The following CNTNAP2 variants were observed in gnomAD, a reference collection of about 807,000 sequenced individuals.
CNTNAP2 encodes contactin associated protein 2, also known as contactin-associated protein-like 2.
Under a neutral mutation model 155.2 loss-of-function variants are expected in CNTNAP2, and 98 were observed. That is an observed-to-expected ratio of 0.63 (90% confidence interval 0.54 to 0.75). The LOEUF (loss-of-function observed/expected upper bound fraction) is 0.75, where lower values mean the gene tolerates loss of function less well. Among genes scored for constraint, CNTNAP2 ranks in the 30% least tolerant of loss-of-function variants. The probability of loss-of-function intolerance (pLI) is 0.00; values close to 1 mark genes in which losing one functional copy is unlikely to be tolerated. For synonymous variants in CNTNAP2, 651 were observed against 631.2 expected (o/e 1.03, Z -0.47); for missense variants, 1,727 against 1,688.1 (o/e 1.02, Z -0.40).
chr7:147,298,084 C>T (rs1794871702), intron 8 of CNTNAP2, among the ~76,000 whole-genome samples: 2 of 152,064 alleles, frequency 1.3e-5, no homozygotes, highest in African/African-American at 4.8e-5. Flanking sequence ...AAGTCTTTTG[C>T]ATTAATTCCT....
intron 13 of CNTNAP2, among the ~76,000 whole-genome samples, chr7:147,767,555 A>G (rs1415178557): frequency 6.6e-6 from 1 of 152,054 alleles, no homozygotes; most frequent in Non-Finnish European, 1.5e-5. Context: ...ACTGCTTATT[A>G]TTACTGCCAC....
intron 1 of CNTNAP2, among the ~76,000 whole-genome samples, chr7:146,225,617 G>A (rs976037064): frequency 8.5e-5 from 13 of 152,188 alleles, no homozygotes; most frequent in Non-Finnish European, 1.9e-4. Context: ...TTAGGCATTA[G>A]CAGTGCACAG....
chr7:148,142,190 A>T (rs1805088669), intron 16 of CNTNAP2, among the ~76,000 whole-genome samples: 1 of 149,730 alleles, frequency 6.7e-6, no homozygotes, highest in Admixed American at 6.7e-5. Context: ...GGTGTCCTTG[A>T]GCTGGTAGGA....
At chr7:147,047,584 T>C (rs1799390653) in intron 4 of CNTNAP2, among the ~76,000 whole-genome samples, 1 of 152,192 alleles carries the variant, frequency 6.6e-6, no homozygotes, top group African/African-American at 2.4e-5. Flanking sequence ...GCTAGACACG[T>C]ATTTATTTTT....
chr7:146,835,700 A>C (rs1181306055), intron 2 of CNTNAP2, among the ~76,000 whole-genome samples: 1 of 152,226 alleles, frequency 6.6e-6, no homozygotes, highest in Non-Finnish European at 1.5e-5. Context: ...ACTGCAGACT[A>C]GAATCTCCAG....
intron 10 of CNTNAP2, among the ~76,000 whole-genome samples, chr7:147,472,951 A>T (rs1798251558): frequency 6.6e-6 from 1 of 152,220 alleles, no homozygotes; most frequent in African/African-American, 2.4e-5. Context: ...AACTAGAGAT[A>T]CAAGTTTAGA....
intron 13 of CNTNAP2, among the ~76,000 whole-genome samples, chr7:147,662,649 T>G (rs977999125): frequency 2.6e-5 from 4 of 152,174 alleles, no homozygotes; most frequent in Non-Finnish European, 4.4e-5. Context: ...TTGTAGGAAT[T>G]ATTCCTACTG....
At chr7:147,367,763 G>T (rs1195381234) in intron 9 of CNTNAP2, among the ~76,000 whole-genome samples, 1 of 151,992 alleles carries the variant, frequency 6.6e-6, no homozygotes, top group Admixed American at 6.6e-5. Context: ...GCAAACACTG[G>T]TTAAACAATA....
intron 9 of CNTNAP2, among the ~76,000 whole-genome samples, chr7:147,316,909 G>A (rs1246374280): frequency 2.0e-5 from 3 of 152,070 alleles, no homozygotes; most frequent in African/African-American, 7.2e-5. Flanking sequence ...TTGCAATGGG[G>A]ATAAAATATT....
intron 15 of CNTNAP2, among the ~76,000 whole-genome samples, chr7:148,108,960 A>C (rs1253762765): frequency 2.0e-5 from 3 of 152,178 alleles, no homozygotes; most frequent in Non-Finnish European, 4.4e-5. Context: ...ATACAATTAT[A>C]CATTGTCAAT....
chr7:147,365,238 T>A (rs1479843844), intron 9 of CNTNAP2, among the ~76,000 whole-genome samples: 1 of 151,840 alleles, frequency 6.6e-6, no homozygotes, highest in Non-Finnish European at 1.5e-5. Context: ...ACCCCGTCTC[T>A]ACTACAAATA....
chr7:147,629,410 AATAAT>A (rs1795044358), intron 12 of CNTNAP2, among the ~76,000 whole-genome samples: 3 of 13,684 alleles, frequency 2.2e-4, no homozygotes, highest in Non-Finnish European at 5.5e-4. Context: ...TCTCAAAAAT[AATAAT>A]AATAATAATA....
intron 1 of CNTNAP2, among the ~76,000 whole-genome samples, chr7:146,397,871 C>CTTTTTTTTTTTTTT (rs1438446898): frequency 7.9e-6 from 1 of 126,914 alleles, no homozygotes; most frequent in African/African-American, 3.4e-5. Flanking sequence ...ATTTGACAGG[C>CTTTTTTTTTTTTTT]TTTTATTTAT....
At chr7:146,872,841 G>GTT (rs1177321456) in intron 3 of CNTNAP2, among the ~76,000 whole-genome samples, 1 of 152,170 alleles carries the variant, frequency 6.6e-6, no homozygotes, top group Non-Finnish European at 1.5e-5. Flanking sequence ...CATGCAAATG[G>GTT]TTCAGTGTTA....
chr7:148,121,184 G>A (rs943874491), intron 16 of CNTNAP2, among the ~76,000 whole-genome samples: 16 of 152,144 alleles, frequency 1.1e-4, no homozygotes, highest in African/African-American at 3.4e-4. Context: ...ACAGGGGCCC[G>A]CCACCGCGCC....
intron 14 of CNTNAP2, among the ~76,000 whole-genome samples, chr7:147,951,221 G>A (rs1039944112): frequency 2.6e-5 from 4 of 152,302 alleles, no homozygotes; most frequent in Admixed American, 1.3e-4. Flanking sequence ...TAAATAGAGA[G>A]GGAAGGAAAG....
At chr7:148,001,424 CATT>C (rs1801895236) in intron 15 of CNTNAP2, among the ~76,000 whole-genome samples, 1 of 152,188 alleles carries the variant, frequency 6.6e-6, no homozygotes, top group African/African-American at 2.4e-5. Flanking sequence ...GGTCCCATCA[CATT>C]GTTGTTATTG....
At chr7:146,589,459 A>T (rs347173) in intron 1 of CNTNAP2, among the ~76,000 whole-genome samples, 124,851 of 152,038 alleles carry the variant, frequency 0.82, 51,816 homozygotes, top group South Asian at 0.9. Flanking sequence ...GGGACATGGA[A>T]GAAGCTGCAA....
At position 147,944,412 on chromosome 7, in the gene CNTNAP2, A is replaced by C. The variant is rs373945832; in HGVS notation, c.2256-33450A>C. Among the ~76,000 whole-genome samples the C allele has an allele frequency of 2.0e-5, 3 of 152,198 alleles. No individual in the cohort carries two copies. The East Asian group carries it at 5.8e-4, about 29-fold the overall frequency. On this transcript the variant is annotated intron_variant, in intron 14 of 23. Coordinates refer to ENST00000361727, the MANE Select transcript of CNTNAP2 (RefSeq NM_014141.6). ...GAGAAATATTATTTTAAAACAATTC[A>C]AAGGGAGTGAAAATGGTAGCACACA...
Sources: allele counts gnomAD v4.1 joint callset (sites outside exome capture counted in the v4.1 genomes callset), GRCh38; gene constraint gnomAD v4.1.1; transcripts MANE v1.5; gene names NCBI Gene and HGNC (gene_info 2026-07-23, HGNC 2026-07-21).